PDCL: variants seen among roughly 807,000 people sequenced by gnomAD.
PDCL encodes the protein phosducin like, also known as phosducin-like protein.
A neutral mutation model predicts 26.7 loss-of-function variants in PDCL; 11 were observed. That is an observed-to-expected ratio of 0.41 (90% CI 0.26 to 0.68). The LOEUF (loss-of-function observed/expected upper bound fraction) is 0.68. Among genes scored for constraint, PDCL ranks in the 30% least tolerant of loss-of-function variants. The pLI, the probability that PDCL is intolerant of heterozygous loss-of-function variation, is 0.30. For missense variants in PDCL, 330 were observed against 371.6 expected, an observed-to-expected ratio of 0.89 and a Z score of 0.92; for synonymous variants, 118 against 134.9, an observed-to-expected ratio of 0.87 and a Z score of 0.87.
intron 3 of PDCL, 59 bp downstream of exon 3, chr9:122,822,957 C>T: frequency 1.4e-6 from 2 of 1,457,398 alleles, no homozygotes; most frequent in Non-Finnish European, 1.9e-6. Flanking sequence ...TCTTGAATCA[C>T]TCACCCAGCT....
intron 3 of PDCL, among the ~76,000 whole-genome samples, chr9:122,820,984 T>G (rs1246081887): frequency 1.3e-5 from 2 of 151,570 alleles, no homozygotes; most frequent in African/African-American, 4.8e-5. Flanking sequence ...GGAGACAGGG[T>G]GATACCCTGT....
rs370824486 is a variant in PDCL, at chr9:122,820,121, C to T, written c.870G>A (p.Thr290=). The T allele has an allele frequency of 2.7e-5, 43 of 1,612,348 alleles. No homozygotes were observed. Among genetic ancestry groups the T allele is most frequent in the Middle Eastern group, 1.6e-4 (1 of 6,078 alleles). ...LVLTSVRNSA[T]CHSEDSDLEI... is the part of the protein sequence containing the mutation. Reference sequence around the variant, plus strand: ...CCAGGTCGCTATCCTCACTGTGACACGTGGCAGAGTTACGCACAGATGTCA... The same window carrying T: ...CCAGGTCGCTATCCTCACTGTGACATGTGGCAGAGTTACGCACAGATGTCA... The change falls in exon 4 of 4, where the codon ACG becomes ACA. Residue 290 remains threonine, a synonymous_variant. Transcript: ENST00000259467.
At chr9:122,827,255 T>A (rs948955863) in intron 1 of PDCL, among the ~76,000 whole-genome samples, 9 of 152,170 alleles carry the variant, frequency 5.9e-5, no homozygotes, top group Non-Finnish European at 1.3e-4. Context: ...AAAAGAGGCA[T>A]CAAGAGTACA....
At position 122,819,347 on chromosome 9, in the gene PDCL, C is replaced by T. The variant is rs996871687; in HGVS notation, c.*738G>A. 1 of 151,640 alleles carries T rather than the reference C, an allele frequency of 6.6e-6. No individual in the cohort carries two copies. The highest frequency in any genetic ancestry group is 2.4e-5 in the African/African-American group (1 of 41,288). The allele number at this position is 151,640 out of a possible 1,614,324, so 9.4% of individuals were successfully genotyped here. ...AGTTACCTTGTTAAACAAAAAGTTA[C>T]CTTGTTAAACAAAAAAGAGACAAAG... is the stretch of plus-strand genomic sequence containing the variant. On this transcript the variant is annotated 3_prime_UTR_variant, in exon 4 of 4. Transcript: ENST00000259467.
In PDCL at chr9:122,826,699, T is replaced by C. The variant is rs753451616; in HGVS notation, c.89A>G (p.Lys30Arg). The change falls in exon 2 of 4, where the codon AAG (lysine) becomes AGG (arginine). Residue 30 changes from lysine to arginine, a missense_variant. Lys to Arg is a conservative substitution (Grantham distance 26). Transcript: ENST00000259467. ...SEDEDSDHED[K>R]DRGRCAPASS... ...GGCTGGGGCACATCTGCCTCGGTCC[T>C]TGTCCTCGTGGTCACTGTCCTCATC... 1.9e-6 allele frequency: 3 copies of C among 1,614,118 alleles called. No homozygotes were observed. The highest frequency in any genetic ancestry group is 1.3e-5 in the African/African-American group (1 of 74,930).
intron 2 of PDCL, among the ~76,000 whole-genome samples, chr9:122,824,337 C>T (rs114203400): frequency 1.6e-3 from 250 of 152,246 alleles, no homozygotes; most frequent in African/African-American, 5.8e-3. Flanking sequence ...AAAAGTATGC[C>T]GTGTATGAGC....
At chr9:122,821,078 T>C (rs1275345711) in intron 3 of PDCL, among the ~76,000 whole-genome samples, 1 of 152,154 alleles carries the variant, frequency 6.6e-6, no homozygotes, top group Admixed American at 6.6e-5. Flanking sequence ...GTACTTTACA[T>C]GCATTATATC....
intron 1 of PDCL, among the ~76,000 whole-genome samples, chr9:122,827,421 G>A (rs530520203): frequency 6.6e-6 from 1 of 152,130 alleles, no homozygotes; most frequent in African/African-American, 2.4e-5. Context: ...TAACTCCCAA[G>A]GGTTTAAAGG....
Position 122,819,943 on chromosome 9 carries a change from A to T in PDCL, c.*142T>A. 1.6e-6 allele frequency: 1 copy of T among 635,204 alleles called. No individual in the cohort carries two copies. The highest frequency in any genetic ancestry group is 2.6e-6 in the Non-Finnish European group (1 of 383,280). 39.3% of individuals were successfully genotyped at this position (635,204 alleles called of 1,614,324 possible). On this transcript the variant is annotated 3_prime_UTR_variant, in exon 4 of 4. Coordinates refer to ENST00000259467, the MANE Select transcript of PDCL (RefSeq NM_005388.5). Reference sequence around the variant, plus strand: ...ACAAGGTTATTCAGCATTCTGATTTAATCTAAGAATTTCTTTATTTTATGC... The same window carrying T: ...ACAAGGTTATTCAGCATTCTGATTTTATCTAAGAATTTCTTTATTTTATGC...
chr9:122,820,981 G>C (rs1829547060), intron 3 of PDCL, among the ~76,000 whole-genome samples: 1 of 151,828 alleles, frequency 6.6e-6, no homozygotes, highest in Non-Finnish European at 1.5e-5. Context: ...CTGGGAGACA[G>C]GGTGATACCC....
chr9:122,820,214 G>T lies in PDCL; in HGVS notation c.777C>A (p.Phe259Leu). The T allele has an allele frequency of 1.9e-6, 3 of 1,614,148 alleles. No homozygotes were observed. The highest frequency in any genetic ancestry group is 1.7e-6 in the Non-Finnish European group (2 of 1,180,026). ...VRVTDQLGDD[F>L]FAVDLEAFLQ... ...GAAAAGCTTCAAGGTCCACAGCAAA[G>T]AAATCATCCCCCAGCTGGTCAGTAA... is the stretch of plus-strand genomic sequence containing the variant. The change falls in exon 4 of 4, where the codon TTC (phenylalanine) becomes TTA (leucine). Residue 259 changes from phenylalanine to leucine, a missense_variant. By Grantham distance (22) the Phe-to-Leu change is conservative. Transcript: ENST00000259467.
At chr9:122,822,356 G>C (rs1829564117) in intron 3 of PDCL, among the ~76,000 whole-genome samples, 1 of 146,388 alleles carries the variant, frequency 6.8e-6, no homozygotes, top group African/African-American at 2.5e-5. Flanking sequence ...GGAGTTCCGA[G>C]ACCAGCCTGG....
rs945809092 is a variant in PDCL at position 122,818,756 on chromosome 9, A to C, written c.*1329T>G. 1 of 152,094 alleles carries C rather than the reference A, an allele frequency of 6.6e-6. No homozygotes were observed. Among genetic ancestry groups the C allele is most frequent in the African/African-American group, 2.4e-5 (1 of 41,454 alleles). 9.4% of individuals were successfully genotyped at this position (152,094 alleles called of 1,614,324 possible). On this transcript the variant is annotated 3_prime_UTR_variant, in exon 4 of 4. Coordinates refer to ENST00000259467, the MANE Select transcript of PDCL (RefSeq NM_005388.5). The stretch of plus-strand genomic sequence containing the variant: ...AAAGTTAAAAAAAGGAAAAAAACGC[A>C]AATGATAATTATTATAAATACATAG...
At position 122,821,959 on chromosome 9, in the gene PDCL, C is replaced by T. The variant is rs7023344; in HGVS notation, c.354+1057G>A. Among the ~76,000 whole-genome samples the T allele has an allele frequency of 7.9e-3, 1,196 of 152,206 alleles. 18 individuals carry two copies. The highest frequency in any genetic ancestry group is 0.027 in the African/African-American group (1,113 of 41,524). ...TTACTTTATCATAACCAGCAACATTCTGAGTTCACTATTTTACTTATTGCC... is the reference window on the plus strand; with the variant it reads ...TTACTTTATCATAACCAGCAACATTTTGAGTTCACTATTTTACTTATTGCC... On this transcript the variant is annotated intron_variant, in intron 3 of 3. Coordinates refer to ENST00000259467, the MANE Select transcript of PDCL (RefSeq NM_005388.5).
rs367876908 is a variant in PDCL, at chr9:122,820,321, C to T, written c.670G>A (p.Ala224Thr). 3.5e-5 allele frequency: 56 copies of T among 1,613,994 alleles called. No homozygotes were observed. The highest frequency in any genetic ancestry group is 4.2e-5 in the Non-Finnish European group (50 of 1,180,016). Residue 224 changes from alanine (A) to threonine (T), a missense_variant, in exon 4 of 4, where the codon GCC becomes ACC. Coordinates refer to ENST00000259467, the MANE Select transcript of PDCL (RefSeq NM_005388.5). ...GCATTCCTGGTGAACTGACTGCTGGCGCCAATAACTGAGCTCTTCACCTTG... is the reference window on the plus strand; with the variant it reads ...GCATTCCTGGTGAACTGACTGCTGGTGCCAATAACTGAGCTCTTCACCTTG... ...FCKVKSSVIG[A>T]SSQFTRNALP...
At chr9:122,825,938 G>A (rs1217666722) in intron 2 of PDCL, among the ~76,000 whole-genome samples, 1 of 152,116 alleles carries the variant, frequency 6.6e-6, no homozygotes, top group Non-Finnish European at 1.5e-5. Flanking sequence ...GCAAGCGCCT[G>A]TGGTCCCAGC....
chr9:122,819,985 C>A lies in PDCL; in HGVS notation c.*100G>T. 1.0e-6 allele frequency: 1 copy of A among 990,490 alleles called. No individual in the cohort carries two copies. Among genetic ancestry groups the A allele is most frequent in the East Asian group, 2.4e-5 (1 of 41,010 alleles). The allele number at this position is 990,490 out of a possible 1,614,324, so 61.4% of individuals were successfully genotyped here. A position where few individuals can be genotyped will look rare whatever the true frequency, so the allele number is the denominator to read the frequency against. On this transcript the variant is annotated 3_prime_UTR_variant, in exon 4 of 4. Transcript: ENST00000259467. ...ATTTTATGCATAATAAAAGGGACTA[C>A]AAAGAACAGCTGAAAAGCCAGAAGA...
rs371205435 is a variant in PDCL, at chr9:122,826,828, T to C, written c.-5-36A>G. 5.6e-6 allele frequency: 9 copies of C among 1,603,040 alleles called. No individual in the cohort carries two copies. The South Asian group carries it at 8.9e-5, about 16-fold the overall frequency. ...AAAGCATATCAGGTTCTTTGCTGATTTGAGCCAGACAGACATGAATCTGAA... is the reference window on the plus strand; with the variant it reads ...AAAGCATATCAGGTTCTTTGCTGATCTGAGCCAGACAGACATGAATCTGAA... On this transcript the variant is annotated intron_variant, in intron 1 of 3. Coordinates refer to ENST00000259467, the MANE Select transcript of PDCL (RefSeq NM_005388.5).
At chr9:122,827,559 A>C (rs1325051881) in intron 1 of PDCL, among the ~76,000 whole-genome samples, 8 of 152,052 alleles carry the variant, frequency 5.3e-5, no homozygotes, top group Non-Finnish European at 1.0e-4. Context: ...TACTAGTAAA[A>C]GCAAACAAAC....
Sources: allele counts gnomAD v4.1 joint callset (sites outside exome capture counted in the v4.1 genomes callset), GRCh38; gene constraint gnomAD v4.1.1; transcripts MANE v1.5; gene names NCBI Gene and HGNC (gene_info 2026-07-23, HGNC 2026-07-21).